Variants in CCDC192 observed in about 807,000 individuals in gnomAD.
The protein encoded by CCDC192 is coiled-coil domain containing 192.
At chr5:127,705,077 A>G (rs977156047) in intron 1 of CCDC192, among the ~76,000 whole-genome samples, 2 of 152,222 alleles carry the variant, frequency 1.3e-5, no homozygotes, top group East Asian at 1.9e-4. Context: ...CCAGGTTTCC[A>G]GTGAACCCTG....
At chr5:127,717,800 C>G (rs1485429212) in intron 2 of CCDC192, among the ~76,000 whole-genome samples, 1 of 151,556 alleles carries the variant, frequency 6.6e-6, no homozygotes, top group Non-Finnish European at 1.5e-5. Context: ...TTCTGCACTC[C>G]TTCATCAGCC....
At chr5:127,872,318 G>A (rs1460213691) in intron 5 of CCDC192, among the ~76,000 whole-genome samples, 1 of 152,074 alleles carries the variant, frequency 6.6e-6, no homozygotes, top group Non-Finnish European at 1.5e-5. Context: ...GTGATATTTT[G>A]GTTCACATTA....
intron 2 of CCDC192, among the ~76,000 whole-genome samples, chr5:127,737,149 C>G (rs1460915914): frequency 1.3e-5 from 2 of 151,718 alleles, no homozygotes; most frequent in African/African-American, 2.4e-5. Flanking sequence ...TCGTTGGTTT[C>G]AAAGAACATC....
rs1580530624 is a variant in CCDC192, at chr5:127,721,189, T to C, written c.114+13429T>C. ...TTACACTCTGCTTCCCTTTTAGATA[T>C]TAGTTTCAGTTTCAGACCATTTCTT... On this transcript the variant is annotated intron_variant, in intron 2 of 6. Coordinates refer to ENST00000514853, the MANE Select transcript of CCDC192 (RefSeq NM_001317938.2). Among the ~76,000 whole-genome samples, 5 of 152,226 alleles carry C rather than the reference T, an allele frequency of 3.3e-5. No individual in the cohort carries two copies. In the South Asian group the frequency reaches 1.0e-3, roughly 32 times the overall value.
At chr5:127,877,492 T>G (rs1218393175) in intron 6 of CCDC192, among the ~76,000 whole-genome samples, 4 of 152,212 alleles carry the variant, frequency 2.6e-5, no homozygotes, top group Non-Finnish European at 5.9e-5. Context: ...TACATGTTGC[T>G]TCTCTTATTT....
intron 2 of CCDC192, 135 bp from the exon 3 acceptor site, chr5:127,754,132 AG>A: frequency 2.6e-6 from 1 of 389,414 alleles, no homozygotes; most frequent in Admixed American, 4.4e-5. Context: ...TGTTAAGAAA[AG>A]GGGAGGATTT....
At chr5:127,778,621 GA>G (rs1189586047) in intron 3 of CCDC192, among the ~76,000 whole-genome samples, 2 of 152,300 alleles carry the variant, frequency 1.3e-5, no homozygotes, top group African/African-American at 4.8e-5. Context: ...ATATTAGGAA[GA>G]ATTTCCTTAT....
chr5:127,731,530 A>C (rs1752638528), intron 2 of CCDC192, among the ~76,000 whole-genome samples: 1 of 152,146 alleles, frequency 6.6e-6, no homozygotes, highest in African/African-American at 2.4e-5. Flanking sequence ...GAATTCATAC[A>C]GAACCAAAAA....
intron 5 of CCDC192, among the ~76,000 whole-genome samples, chr5:127,863,916 T>C (rs1186980562): frequency 1.3e-5 from 2 of 152,182 alleles, no homozygotes; most frequent in Admixed American, 1.3e-4. Flanking sequence ...TTTTAAACAG[T>C]CAAAATATAT....
chr5:127,796,265 A>C (rs1757159697), intron 3 of CCDC192, among the ~76,000 whole-genome samples: 1 of 152,244 alleles, frequency 6.6e-6, no homozygotes, highest in Non-Finnish European at 1.5e-5. Context: ...AGTTTTCTCA[A>C]AATGAGACAA....
chr5:127,787,203 C>T (rs1445300241), intron 3 of CCDC192, among the ~76,000 whole-genome samples: 1 of 152,160 alleles, frequency 6.6e-6, no homozygotes, highest in Non-Finnish European at 1.5e-5. Context: ...CAGGCAAACT[C>T]ACATCTCCAT....
intron 5 of CCDC192, among the ~76,000 whole-genome samples, chr5:127,818,928 A>G (rs1394354933): frequency 6.6e-6 from 1 of 152,188 alleles, no homozygotes; most frequent in Non-Finnish European, 1.5e-5. Flanking sequence ...TCAGGTCATG[A>G]CATCTTCTTG....
At chr5:127,745,789 T>C (rs1300345691) in intron 2 of CCDC192, among the ~76,000 whole-genome samples, 1 of 152,230 alleles carries the variant, frequency 6.6e-6, no homozygotes, top group Non-Finnish European at 1.5e-5. Flanking sequence ...CCACTGAAAG[T>C]ATTCATTTTC....
chr5:127,906,395 A>C (rs187381), intron 6 of CCDC192, among the ~76,000 whole-genome samples: 109,478 of 152,146 alleles, frequency 0.72, 39,953 homozygotes, highest in African/African-American at 0.86. Context: ...TATGTATATA[A>C]CACATTTTGT....
At chr5:127,853,280 A>G (rs532535855) in intron 5 of CCDC192, among the ~76,000 whole-genome samples, 1 of 152,262 alleles carries the variant, frequency 6.6e-6, no homozygotes, top group African/African-American at 2.4e-5. Flanking sequence ...TATCCCTTAG[A>G]AACATTATTT....
chr5:127,745,760 T>G (rs981894549), intron 2 of CCDC192, among the ~76,000 whole-genome samples: 1 of 152,234 alleles, frequency 6.6e-6, no homozygotes, highest in African/African-American at 2.4e-5. Flanking sequence ...TTAGTATTAT[T>G]CACTTGCAAC....
At chr5:127,843,411 C>T (rs1256259738) in intron 5 of CCDC192, among the ~76,000 whole-genome samples, 4 of 150,460 alleles carry the variant, frequency 2.7e-5, no homozygotes, top group Non-Finnish European at 5.9e-5. Context: ...ATTTTATTAT[C>T]ATTTACACAG....
At chr5:127,755,482 G>A (rs1318918155) in intron 3 of CCDC192, among the ~76,000 whole-genome samples, 1 of 151,800 alleles carries the variant, frequency 6.6e-6, no homozygotes, top group African/African-American at 2.4e-5. Context: ...TGATGCAAGC[G>A]GTCACAGGGG....
intron 2 of CCDC192, among the ~76,000 whole-genome samples, chr5:127,710,488 C>T (rs1437360570): frequency 6.6e-6 from 1 of 152,102 alleles, no homozygotes; most frequent in East Asian, 1.9e-4. Flanking sequence ...CTGCACTATT[C>T]TCTGAATCTA....
Sources: allele counts gnomAD v4.1 joint callset (sites outside exome capture counted in the v4.1 genomes callset), GRCh38; gene constraint gnomAD v4.1.1; transcripts MANE v1.5; gene names NCBI Gene and HGNC (gene_info 2026-07-23, HGNC 2026-07-21).